DPF3: variants seen among roughly 807,000 people sequenced by gnomAD.
DPF3 encodes the protein zinc finger protein DPF3.
DPF3 carries 18 observed loss-of-function variants against 56.8 expected under a neutral mutation model. The ratio of observed to expected loss-of-function variants is 0.32; its 90% confidence interval spans 0.22 to 0.47. The LOEUF is 0.47. Ranked by LOEUF, DPF3 falls within the 20% of genes least tolerant of loss-of-function variation. DPF3 has a pLI of 1.00. For missense variants in DPF3, 403 were observed against 488.8 expected (o/e 0.82, Z 1.65); for synonymous variants, 188 against 180.2 (o/e 1.04, Z -0.35).
chr14:72,614,578 C>T lies in DPF3; in HGVS notation c.*4719G>A, dbSNP rs570170244. On this transcript the variant is annotated 3_prime_UTR_variant, in exon 11 of 11. Coordinates refer to ENST00000556509, the MANE Select transcript of DPF3 (RefSeq NM_001280542.3). The stretch of plus-strand genomic sequence containing the variant: ...CACTCCCCAAGGCTGCAGGCATGAT[C>T]CAGCCCTCCCTCACTGCCTTCTCTC... Among the ~76,000 whole-genome samples, 14 of 152,122 alleles carry T rather than the reference C, an allele frequency of 9.2e-5. No individual in the cohort carries two copies. The highest frequency in any genetic ancestry group is 5.9e-4 in the Admixed American group (9 of 15,298).
chr14:72,892,334 C>G, intron 1 of DPF3: 1 of 1,535,316 alleles, frequency 6.5e-7, no homozygotes, highest in South Asian at 1.2e-5. Flanking sequence ...TTTATTCTGC[C>G]ATAAAACATT....
intron 1 of DPF3, chr14:72,879,846 T>G (rs1886259982): frequency 2.0e-6 from 3 of 1,535,568 alleles, no homozygotes; most frequent in Non-Finnish European, 2.6e-6. Flanking sequence ...GATGGGCTCT[T>G]CCAGGTCTGT....
At chr14:72,652,824 A>G (rs77983118) in intron 8 of DPF3, among the ~76,000 whole-genome samples, 3,061 of 152,284 alleles carry the variant, frequency 0.02, 58 homozygotes, top group African/African-American at 0.041. Context: ...AAGGCAGATG[A>G]ACAAGAGGGA....
rs570278503 is a variant in DPF3 at position 72,621,516 on chromosome 14, C to CT, written c.985-1533dup. Among the ~76,000 whole-genome samples, 341 of 152,234 alleles carry CT rather than the reference C, an allele frequency of 2.2e-3. 1 individual carries two copies. The highest frequency in any genetic ancestry group is 3.6e-3 in the Admixed American group (55 of 15,300). On this transcript the variant is annotated intron_variant, in intron 9 of 10. Coordinates refer to ENST00000556509, the MANE Select transcript of DPF3 (RefSeq NM_001280542.3). Reference sequence around the variant, plus strand: ...ATCCCCAGGGAGCAAGCAATGAGGGCTTTTTTTGTCATGCTAAAACCCGTC... The same window carrying CT: ...ATCCCCAGGGAGCAAGCAATGAGGGCTTTTTTTTGTCATGCTAAAACCCGTC...
rs768151127 is a variant in DPF3, at chr14:72,814,031, G to A, written c.33-42138C>T. Among the ~76,000 whole-genome samples the A allele has an allele frequency of 5.1e-4, 77 of 152,122 alleles. 1 individual carries two copies. Among genetic ancestry groups the A allele is most frequent in the Non-Finnish European group, 7.9e-4 (54 of 68,018 alleles). On this transcript the variant is annotated intron_variant, in intron 1 of 10. Transcript: ENST00000556509. ...CCACCCACCTTTCCCCATCTCTACC[G>A]GCTGATAGTCTCTCAGCTAGTAGAC...
rs1463419504 is a variant in DPF3 at position 72,611,466 on chromosome 14, C to T, written c.*7831G>A. On this transcript the variant is annotated 3_prime_UTR_variant, in exon 11 of 11. Transcript: ENST00000556509. The stretch of plus-strand genomic sequence containing the variant: ...CCAGATACAGGCGTGGGGCAGCTGA[C>T]CTTGCTGGGGTCTGGTGGAGTGTGC... Among the ~76,000 whole-genome samples, 1 of 152,298 alleles carries T rather than the reference C, an allele frequency of 6.6e-6. No individual in the cohort carries two copies. Among genetic ancestry groups the T allele is most frequent in the Non-Finnish European group, 1.5e-5 (1 of 68,024 alleles).
intron 1 of DPF3, among the ~76,000 whole-genome samples, chr14:72,871,285 A>T (rs528131860): frequency 6.6e-6 from 1 of 152,324 alleles, no homozygotes; most frequent in South Asian, 2.1e-4. Context: ...ATGTCCTCAC[A>T]TTTCAAAACC....
intron 8 of DPF3, chr14:72,670,397 C>A: frequency 1.0e-6 from 1 of 986,070 alleles, no homozygotes; most frequent in Non-Finnish European, 1.2e-6. Flanking sequence ...CTGGTCAGGG[C>A]CCAGGTGTGG....
rs1419689808 is a variant in DPF3, at chr14:72,644,513, A to C, written c.872-14777T>G. Among the ~76,000 whole-genome samples the C allele has an allele frequency of 2.0e-5, 3 of 152,220 alleles. No individual in the cohort carries two copies. In the East Asian group the frequency reaches 5.8e-4, roughly 29 times the overall value. On this transcript the variant is annotated intron_variant, in intron 8 of 10. Transcript: ENST00000556509. ...TTTTTTTCCTCTGGAGAAATTAGAG[A>C]GTTGGAATAGTACAAGAGAAAGCAA... is the stretch of plus-strand genomic sequence containing the variant.
At chr14:72,790,528 C>T (rs1248211333) in intron 1 of DPF3, among the ~76,000 whole-genome samples, 1 of 152,186 alleles carries the variant, frequency 6.6e-6, no homozygotes, top group Non-Finnish European at 1.5e-5. Context: ...GTGTACCAGG[C>T]ACCTTGCTGA....
intron 1 of DPF3, among the ~76,000 whole-genome samples, chr14:72,777,047 C>T (rs1891772602): frequency 1.3e-5 from 2 of 152,190 alleles, no homozygotes; most frequent in South Asian, 4.1e-4. Flanking sequence ...AGGACCTTGG[C>T]CCATCACTAC....
chr14:72,794,128 G>A (rs765684886), intron 1 of DPF3, among the ~76,000 whole-genome samples: 22 of 152,250 alleles, frequency 1.4e-4, no homozygotes, highest in Non-Finnish European at 2.8e-4. Flanking sequence ...TGTCTGAGCT[G>A]TTGAACTCTG....
chr14:72,787,536 AC>A (rs1892258040), intron 1 of DPF3, among the ~76,000 whole-genome samples: 1 of 152,224 alleles, frequency 6.6e-6, no homozygotes, highest in African/African-American at 2.4e-5. Context: ...ATTACCAGGA[AC>A]ATAGAAAGGT....
chr14:72,866,474 G>A (rs1035726102), intron 1 of DPF3, among the ~76,000 whole-genome samples: 2 of 150,738 alleles, frequency 1.3e-5, no homozygotes, highest in African/African-American at 2.4e-5. Context: ...CGAATGCACA[G>A]GCTCAGGTAC....
chr14:72,629,772 A>G (rs1167129321), intron 8 of DPF3, 36 bp from the exon 9 acceptor site: 1 of 1,462,344 alleles, frequency 6.8e-7, no homozygotes, highest in East Asian at 2.5e-5. Context: ...TTAGGGCCAA[A>G]GTATGAACTG....
intron 1 of DPF3, among the ~76,000 whole-genome samples, chr14:72,863,100 A>ATATATATATATGTGTGTG (rs1413440131): frequency 9.0e-6 from 1 of 110,608 alleles, no homozygotes; most frequent in African/African-American, 3.5e-5. Context: ...ATATATATAT[A>ATATATATATATGTGTGTG]TGTGTGTGTA....
chr14:72,829,899 C>A (rs551870928), intron 1 of DPF3, among the ~76,000 whole-genome samples: 3 of 152,118 alleles, frequency 2.0e-5, no homozygotes, highest in Non-Finnish European at 4.4e-5. Context: ...CCTGCTACCA[C>A]ACCCAGCTAA....
chr14:72,656,788 C>T (rs976655571), intron 8 of DPF3, among the ~76,000 whole-genome samples: 1 of 152,128 alleles, frequency 6.6e-6, no homozygotes, highest in Non-Finnish European at 1.5e-5. Flanking sequence ...AGCAATAAAC[C>T]CCGCTGAAAG....
intron 2 of DPF3, among the ~76,000 whole-genome samples, chr14:72,758,409 C>T (rs1014610840): frequency 2.6e-5 from 4 of 152,088 alleles, no homozygotes. Context: ...TGCAGATTCC[C>T]CACGTTTGAG....
Sources: gnomAD v4.1 joint callset for allele counts (sites outside exome capture counted in the v4.1 genomes callset) on GRCh38, gnomAD v4.1.1 for gene constraint, MANE v1.5 for transcripts, NCBI Gene and HGNC (gene_info 2026-07-23, HGNC 2026-07-21) for gene names.